STON1: variants seen among roughly 807,000 people sequenced by gnomAD.
STON1 encodes the protein stonin-1.
STON1 carries 79 observed loss-of-function variants against 60.9 expected under a neutral mutation model. The ratio of observed to expected loss-of-function variants is 1.30; its 90% CI spans 1.08 to 1.56. STON1 has a LOEUF of 1.56. STON1 is among the 40% of genes most tolerant of loss of function. The pLI is 0.00. For synonymous variants in STON1, 363 were observed against 306.9 expected, an observed-to-expected ratio of 1.18 and a Z score of -1.91; for missense variants, 1,166 against 858.9, an observed-to-expected ratio of 1.36 and a Z score of -4.47.
Position 48,591,767 on chromosome 2 carries a change from C to T in STON1, c.2045C>T (p.Ala682Val). The T allele has an allele frequency of 6.2e-7, 1 of 1,614,172 alleles. No homozygotes were observed. The highest frequency in any genetic ancestry group is 8.5e-7 in the Non-Finnish European group (1 of 1,180,040). Reference protein sequence around the residue: ...TVQFSVPDTCASRTEVRSLGV... With the variant: ...TVQFSVPDTCVSRTEVRSLGV... ...CAGTTTTCCGTGCCTGACACCTGTG[C>T]CTCAAGGACAGAGGTCAGGTCTCTG... Residue 682 changes from alanine (A) to valine (V), a missense_variant, in exon 3 of 4, where the codon GCC (alanine) becomes GTC (valine). Coordinates refer to ENST00000404752, the MANE Select transcript of STON1 (RefSeq NM_006873.4).
intron 1 of STON1, among the ~76,000 whole-genome samples, chr2:48,553,027 C>A (rs1290914708): frequency 6.6e-6 from 1 of 152,072 alleles, no homozygotes; most frequent in Non-Finnish European, 1.5e-5. Context: ...GCTTCTCTAT[C>A]CAGCAAAGTA....
intron 1 of STON1, among the ~76,000 whole-genome samples, chr2:48,544,622 T>C (rs1376761066): frequency 6.6e-6 from 1 of 152,138 alleles, no homozygotes; most frequent in Admixed American, 6.6e-5. Flanking sequence ...CTTGGCTCAC[T>C]GCAACCTCTG....
chr2:48,544,398 A>G (rs919904904), intron 1 of STON1, among the ~76,000 whole-genome samples: 3 of 152,220 alleles, frequency 2.0e-5, no homozygotes, highest in African/African-American at 2.4e-5. Flanking sequence ...TAAAACAGCT[A>G]TGGCCCAGAA....
At chr2:48,563,995 G>A (rs1672721666) in intron 1 of STON1, among the ~76,000 whole-genome samples, 1 of 149,746 alleles carries the variant, frequency 6.7e-6, no homozygotes, top group South Asian at 2.1e-4. Context: ...CACCACGCCT[G>A]CCCTCCACGT....
chr2:48,595,291 A>G lies in STON1; in HGVS notation c.2197A>G (p.Ile733Val), dbSNP rs1674736098. The change falls in exon 4 of 4, where the codon ATA (isoleucine) becomes GTA (valine). Residue 733 changes from isoleucine (I) to valine (V), a missense_variant. Physicochemically the swap from Ile to Val is conservative, Grantham distance 29 (BLOSUM62 3). Coordinates refer to ENST00000404752, the MANE Select transcript of STON1 (RefSeq NM_006873.4). ...GEDPDKIGDC[I>V]TQ Reference sequence around the variant, plus strand: ...AGACCCAGATAAAATTGGTGACTGCATAACTCAGTAGGAGTAGCAAGAGTT... The same window carrying G: ...AGACCCAGATAAAATTGGTGACTGCGTAACTCAGTAGGAGTAGCAAGAGTT... 6 of 1,613,730 alleles carry G rather than the reference A, an allele frequency of 3.7e-6. No homozygotes were observed. In the East Asian group the frequency reaches 8.9e-5, roughly 24 times the overall value.
intron 1 of STON1, chr2:48,530,799 G>C (rs1671179810): frequency 6.6e-6 from 1 of 152,420 alleles, no homozygotes; most frequent in Non-Finnish European, 1.5e-5. Context: ...AGCCGCGGGG[G>C]CCACCACACT....
At chr2:48,572,178 G>T (rs1347777612) in intron 1 of STON1, among the ~76,000 whole-genome samples, 2 of 151,962 alleles carry the variant, frequency 1.3e-5, no homozygotes, top group Non-Finnish European at 2.9e-5. Flanking sequence ...AAAACAAAAA[G>T]GATTAATAAA....
chr2:48,549,205 AAAGAGTAAC>A (rs1249238114), intron 1 of STON1, among the ~76,000 whole-genome samples: 47 of 152,332 alleles, frequency 3.1e-4, no homozygotes, highest in African/African-American at 1.1e-3. Flanking sequence ...AGTAAACTAA[AAAGAGTAAC>A]AAGAGCAGAA....
intron 1 of STON1, among the ~76,000 whole-genome samples, chr2:48,538,192 C>T (rs1278526159): frequency 2.0e-5 from 3 of 152,130 alleles, no homozygotes; most frequent in African/African-American, 7.2e-5. Flanking sequence ...CTCCTGCTCT[C>T]ATGATATCCC....
intron 2 of STON1, among the ~76,000 whole-genome samples, chr2:48,590,173 T>G (rs975994504): frequency 6.6e-6 from 1 of 152,180 alleles, no homozygotes; most frequent in Non-Finnish European, 1.5e-5. Context: ...TGTATGAGAA[T>G]GAAGTTATCA....
At chr2:48,555,451 T>C (rs1332367479) in intron 1 of STON1, among the ~76,000 whole-genome samples, 3 of 88,812 alleles carry the variant, frequency 3.4e-5, no homozygotes, top group Admixed American at 1.0e-4. Context: ...GCAGGGGGGC[T>C]GACCCCCCCC....
chr2:48,576,348 C>T (rs1013381456), intron 1 of STON1, among the ~76,000 whole-genome samples: 1 of 151,486 alleles, frequency 6.6e-6, no homozygotes, highest in African/African-American at 2.4e-5. Flanking sequence ...CACCACCACA[C>T]CCAGCTAATT....
chr2:48,532,437 CAA>C (rs10570049), intron 1 of STON1, among the ~76,000 whole-genome samples: 99,940 of 142,452 alleles, frequency 0.7, 35,216 homozygotes, highest in East Asian at 0.86. Context: ...AAAGTAAGTC[CAA>C]AAAAAAAAAA....
intron 1 of STON1, among the ~76,000 whole-genome samples, chr2:48,571,932 A>G (rs1673230198): frequency 6.6e-6 from 1 of 152,226 alleles, no homozygotes; most frequent in Non-Finnish European, 1.5e-5. Context: ...TGGGAGGCCA[A>G]GGCAGGTGAA....
In STON1 at chr2:48,581,977, G is replaced by A. The variant is rs747933467; in HGVS notation, c.1344G>A (p.Val448=). Residue 448 remains valine (V), a synonymous_variant, in exon 2 of 4, where the codon GTG becomes GTA. Coordinates refer to ENST00000404752, the MANE Select transcript of STON1 (RefSeq NM_006873.4). ...VITQIYCLCF[V]NGNLECFLTL... is the part of the protein sequence containing the mutation. ...CTCAAATTTATTGCCTCTGCTTTGTGAATGGGAACCTGGAATGCTTTTTAA... is the reference window on the plus strand; with the variant it reads ...CTCAAATTTATTGCCTCTGCTTTGTAAATGGGAACCTGGAATGCTTTTTAA... 6.2e-7 allele frequency: 1 copy of A among 1,614,216 alleles called. No individual in the cohort carries two copies. The highest frequency in any genetic ancestry group is 8.5e-7 in the Non-Finnish European group (1 of 1,180,046).
At position 48,595,360 on chromosome 2, in the gene STON1, A is replaced by C. The variant is rs1674743646; in HGVS notation, c.*58A>C. 2 of 1,455,172 alleles carry C rather than the reference A, an allele frequency of 1.4e-6. No homozygotes were observed. Among genetic ancestry groups the C allele is most frequent in the Non-Finnish European group, 1.9e-6 (2 of 1,039,556 alleles). 90.1% of individuals were successfully genotyped at this position (1,455,172 alleles called of 1,614,324 possible). On this transcript the variant is annotated 3_prime_UTR_variant, in exon 4 of 4. Coordinates refer to ENST00000404752, the MANE Select transcript of STON1 (RefSeq NM_006873.4). ...GTCAAATATGTAATTCACCGAAACC[A>C]CACCAAGTCCTGCTACTGTAGAGTG... is the stretch of plus-strand genomic sequence containing the variant.
At chr2:48,587,309 A>ATTTATTTT (rs1674265613) in intron 2 of STON1, among the ~76,000 whole-genome samples, 1 of 146,960 alleles carries the variant, frequency 6.8e-6, no homozygotes, top group African/African-American at 2.6e-5. Context: ...TTATTTATTT[A>ATTTATTTT]TGAGACGGAG....
At chr2:48,553,349 C>G (rs981811233) in intron 1 of STON1, among the ~76,000 whole-genome samples, 1 of 151,564 alleles carries the variant, frequency 6.6e-6, no homozygotes, top group South Asian at 2.1e-4. Flanking sequence ...TCTCTGTAGA[C>G]CCTTCCCTTC....
In STON1 at chr2:48,581,747, A is replaced by T. The variant is rs1197656699; in HGVS notation, c.1114A>T (p.Ile372Leu). The change falls in exon 2 of 4, where the codon ATA becomes TTA. Residue 372 changes from isoleucine to leucine, a missense_variant. By Grantham distance (5) the Ile-to-Leu change is conservative. Coordinates refer to ENST00000404752, the MANE Select transcript of STON1 (RefSeq NM_006873.4). Reference protein sequence around the residue: ...SKTEVVHEPDIEQMLKLGSTS... With the variant: ...SKTEVVHEPDLEQMLKLGSTS... ...GACAGAAGTAGTTCATGAACCTGAC[A>T]TAGAGCAGATGCTGAAGTTGGGGTC... The T allele has an allele frequency of 3.1e-6, 5 of 1,613,382 alleles. No homozygotes were observed. The highest frequency in any genetic ancestry group is 4.2e-6 in the Non-Finnish European group (5 of 1,179,886).
Sources: gnomAD v4.1 joint callset for allele counts (sites outside exome capture counted in the v4.1 genomes callset) on GRCh38, gnomAD v4.1.1 for gene constraint, MANE v1.5 for transcripts, NCBI Gene and HGNC (gene_info 2026-07-23, HGNC 2026-07-21) for gene names.